PCDHGA1: variants seen among roughly 807,000 people sequenced by gnomAD.
PCDHGA1 encodes the protein protocadherin gamma-A1.
A neutral mutation model predicts 58.0 loss-of-function variants in PCDHGA1; 32 were observed. The ratio of observed to expected loss-of-function variants is 0.55; its 90% confidence interval spans 0.42 to 0.74. PCDHGA1 has a LOEUF of 0.74. Among genes scored for constraint, PCDHGA1 ranks in the 30% least tolerant of loss-of-function variants. The pLI is 0.00. For synonymous variants in PCDHGA1, 498 were observed against 501.1 expected, an observed-to-expected ratio of 0.99 and a Z score of 0.08; for missense variants, 1,205 against 1,182.3, an observed-to-expected ratio of 1.02 and a Z score of -0.28.
intron 1 of PCDHGA1, chr5:141,415,006 C>T (rs1353721901): frequency 1.2e-6 from 2 of 1,613,652 alleles, no homozygotes; most frequent in Non-Finnish European, 8.5e-7. Flanking sequence ...GCTGTCCTAC[C>T]GTCTGCTCAA....
intron 1 of PCDHGA1, chr5:141,440,464 G>C (rs2003094): frequency 1.3e-5 from 2 of 152,150 alleles, no homozygotes; most frequent in Admixed American, 6.5e-5. Context: ...ATGAACAAAC[G>C]GTAGTTGAAA....
chr5:141,372,112 C>A (rs1170751793), intron 1 of PCDHGA1: 7 of 1,613,708 alleles, frequency 4.3e-6, no homozygotes, highest in South Asian at 1.1e-5. Flanking sequence ...GAAGGCTCTG[C>A]GCTCTTCGAT....
At chr5:141,352,634 C>T (rs765189587) in intron 1 of PCDHGA1, 1 of 1,609,970 alleles carries the variant, frequency 6.2e-7, no homozygotes, top group South Asian at 1.1e-5. Context: ...TAATGAAGAT[C>T]ACAAAATCGC....
At chr5:141,510,286 A>G (rs1011677966) in intron 3 of PCDHGA1, among the ~76,000 whole-genome samples, 1 of 151,770 alleles carries the variant, frequency 6.6e-6, no homozygotes, top group African/African-American at 2.4e-5. Flanking sequence ...AAAAAAAAAA[A>G]AAAAATGCTG....
intron 1 of PCDHGA1, among the ~76,000 whole-genome samples, chr5:141,363,031 T>C (rs1425666122): frequency 6.6e-6 from 1 of 152,248 alleles, no homozygotes; most frequent in Non-Finnish European, 1.5e-5. Context: ...CATTGTCCCA[T>C]TGACTTGAAG....
At chr5:141,383,695 G>A (rs373055594) in intron 1 of PCDHGA1, 5 of 1,613,974 alleles carry the variant, frequency 3.1e-6, no homozygotes, top group Non-Finnish European at 3.4e-6. Flanking sequence ...CACGGTACAT[G>A]CTATCGACCT....
Position 141,491,302 on chromosome 5 carries a change from T to TC in PCDHGA1, c.2422-3504dup. The TC allele has an allele frequency of 6.2e-7, 1 of 1,614,126 alleles. No individual in the cohort carries two copies. Among genetic ancestry groups the TC allele is most frequent in the Non-Finnish European group, 8.5e-7 (1 of 1,180,000 alleles). On this transcript the variant is annotated intron_variant, in intron 1 of 3. Transcript: ENST00000517417. The surrounding 1 kb of genome is among the most constrained non-coding windows in gnomAD (Gnocchi z 6.9). ...CTTCCTCATACACCCTCCTGAGCGT[T>TC]CAGACCTTACCCTTTACCTCATTGT... is the stretch of plus-strand genomic sequence containing the variant.
intron 1 of PCDHGA1, chr5:141,339,728 G>A: frequency 6.2e-7 from 1 of 1,614,138 alleles, no homozygotes; most frequent in Non-Finnish European, 8.5e-7. Context: ...AAGCATTCCG[G>A]AGAATACGCT....
rs369595307 is a variant in PCDHGA1, at chr5:141,394,005, A to G, written c.2421+60900A>G. On this transcript the variant is annotated intron_variant, in intron 1 of 3. Coordinates refer to ENST00000517417, the MANE Select transcript of PCDHGA1 (RefSeq NM_018912.3). ...TTTACCTTTTAAATTAGAAAAGTCA[A>G]TAGGTAATTATTATAGATTAGTGAC... 52 of 1,613,340 alleles carry G rather than the reference A, an allele frequency of 3.2e-5. No individual in the cohort carries two copies. In the African/African-American group the frequency reaches 5.6e-4, roughly 17 times the overall value.
chr5:141,391,314 T>C (rs2092347404), intron 1 of PCDHGA1: 1 of 151,522 alleles, frequency 6.6e-6, no homozygotes, highest in Non-Finnish European at 1.5e-5. Flanking sequence ...TTCTTTTTTT[T>C]TTCTTTTTTT....
At chr5:141,394,260 G>A (rs779006100) in intron 1 of PCDHGA1, 2 of 1,613,802 alleles carry the variant, frequency 1.2e-6, no homozygotes, top group African/African-American at 2.7e-5. Flanking sequence ...CGACAGCCAG[G>A]AGAATGCCCA....
In PCDHGA1 at chr5:141,365,854, C is replaced by G. The variant is rs570866859; in HGVS notation, c.2421+32749C>G. On this transcript the variant is annotated intron_variant, in intron 1 of 3. Transcript: ENST00000517417. ...CCTTGTCCTCCTATGTATCCATTAA[C>G]TCTGACACCGGTGTCCTGTATGCTC... 17 of 1,614,060 alleles carry G rather than the reference C, an allele frequency of 1.1e-5. 1 individual carries two copies. In the South Asian group the frequency reaches 1.8e-4, roughly 17 times the overall value.
At chr5:141,361,105 C>G in intron 1 of PCDHGA1, 1 of 1,613,960 alleles carries the variant, frequency 6.2e-7, no homozygotes, top group South Asian at 1.1e-5. Flanking sequence ...AGCAAAAGAT[C>G]CTGGAGATCT....
At chr5:141,355,208 C>A in intron 1 of PCDHGA1, 1 of 1,598,104 alleles carries the variant, frequency 6.3e-7, no homozygotes, top group Non-Finnish European at 8.5e-7. Context: ...GTAATGGCGG[C>A]GCCTCCTGCT....
Position 141,485,751 on chromosome 5 carries a change from A to G in PCDHGA1, c.2422-9056A>G. ...CGCAGCGACGGCAGCCTGGTCCCAG[A>G]GCTGCTCCTGGAGAAGCCTTTGGAT... is the stretch of plus-strand genomic sequence containing the variant. On this transcript the variant is annotated intron_variant, in intron 1 of 3. Coordinates refer to ENST00000517417, the MANE Select transcript of PCDHGA1 (RefSeq NM_018912.3). This position sits in a 1 kb window ranked among gnomAD's most constrained non-coding sequence, Gnocchi z 5.7. 6.2e-7 allele frequency: 1 copy of G among 1,614,166 alleles called. No individual in the cohort carries two copies. Among genetic ancestry groups the G allele is most frequent in the Non-Finnish European group, 8.5e-7 (1 of 1,179,998 alleles).
chr5:141,376,646 G>A (rs1394499987), intron 1 of PCDHGA1: 17 of 1,002,858 alleles, frequency 1.7e-5, no homozygotes, highest in Non-Finnish European at 2.3e-5. Flanking sequence ...TTTGTAAAGT[G>A]GAAGACTCCC....
At chr5:141,417,892 C>T (rs550343206) in intron 1 of PCDHGA1, 13 of 1,570,660 alleles carry the variant, frequency 8.3e-6, no homozygotes, top group African/African-American at 5.4e-5. Flanking sequence ...GGCGCCGGGC[C>T]GGCCCGCGGC....
At chr5:141,429,037 G>A (rs1404164429) in intron 1 of PCDHGA1, 1 of 152,054 alleles carries the variant, frequency 6.6e-6, no homozygotes, top group African/African-American at 2.4e-5. Flanking sequence ...TGCATTTTTA[G>A]TACAGACGGG....
rs773703641 is a variant in PCDHGA1, at chr5:141,477,856, G to A, written c.2422-16951G>A. On this transcript the variant is annotated intron_variant, in intron 1 of 3. Transcript: ENST00000517417. The surrounding 1 kb of genome is among the most constrained non-coding windows in gnomAD (Gnocchi z 4.9). ...CAGGTGGGAGCTCGGTGGAGATGCT[G>A]CCTCGAGGTACCTCAGCTGGCCACC... is the stretch of plus-strand genomic sequence containing the variant. 6.2e-7 allele frequency: 1 copy of A among 1,613,592 alleles called. No homozygotes were observed. Among genetic ancestry groups the A allele is most frequent in the Admixed American group, 1.7e-5 (1 of 59,976 alleles).
Sources: allele counts gnomAD v4.1 joint callset (sites outside exome capture counted in the v4.1 genomes callset), GRCh38; gene constraint gnomAD v4.1.1; non-coding constraint Gnocchi (gnomAD v3.1); transcripts MANE v1.5; gene names NCBI Gene and HGNC (gene_info 2026-07-23, HGNC 2026-07-21).